The following GLIS3 variants were observed in gnomAD, a reference collection of about 807,000 sequenced individuals.
GLIS3 encodes the protein zinc finger protein GLIS3.
In GLIS3, 53 loss-of-function variants were observed where a neutral mutation model predicts 78.6. The observed-to-expected ratio is 0.67, with a 90% CI of 0.54 to 0.85. GLIS3 has a LOEUF of 0.85. GLIS3 is among the 40% of genes least tolerant of loss of function. The pLI, the probability that GLIS3 is intolerant of heterozygous loss-of-function variation, is 0.00. For missense variants in GLIS3, 1,703 were observed against 1,231.1 expected (o/e 1.38, Z -5.74); for synonymous variants, 684 against 509.9 (o/e 1.34, Z -4.60).
the GLIS3 span, among the ~76,000 whole-genome samples, chr9:4,378,756 G>A: frequency 2.6e-5 from 4 of 152,208 alleles, no homozygotes; most frequent in Non-Finnish European, 5.9e-5. Flanking sequence ...TTGATAGCAT[G>A]TGTAGGGTAA....
chr9:3,856,735 G>A (rs1209029350), intron 8 of GLIS3, among the ~76,000 whole-genome samples: 2 of 152,188 alleles, frequency 1.3e-5, no homozygotes, highest in Non-Finnish European at 2.9e-5. Flanking sequence ...AAACCTCGAA[G>A]GTCAAGTATG....
the GLIS3 span, among the ~76,000 whole-genome samples, chr9:4,356,840 A>G: frequency 8.7e-5 from 13 of 150,224 alleles, no homozygotes; most frequent in Admixed American, 1.3e-4. Context: ...AATGCCCACC[A>G]ATGTTTGCAA....
chr9:4,407,595 C>T, the GLIS3 span, among the ~76,000 whole-genome samples: 1 of 152,072 alleles, frequency 6.6e-6, no homozygotes, highest in Admixed American at 6.6e-5. Context: ...TGCGGTGAGC[C>T]GAGATCTCGC....
chr9:3,968,869 C>T (rs1281166533), intron 4 of GLIS3, among the ~76,000 whole-genome samples: 4 of 152,196 alleles, frequency 2.6e-5, no homozygotes, highest in Non-Finnish European at 1.5e-5. Flanking sequence ...ACTTCATCCA[C>T]TGGGGTTTAG....
Position 3,932,252 on chromosome 9 carries a change from T to C in GLIS3, c.1983+108A>G, listed in dbSNP as rs1354732990. ...CCTCCTCAAACGGTCTAAAGCAGGT[T>C]ATACCATGAGAAGTATAAGAATTTC... is the stretch of plus-strand genomic sequence containing the variant. On this transcript the variant is annotated intron_variant, in intron 6 of 10. Transcript: ENST00000381971. 4 of 832,464 alleles carry C rather than the reference T, an allele frequency of 4.8e-6. No individual in the cohort carries two copies. The African/African-American group carries it at 6.7e-5, about 14-fold the overall frequency. 51.6% of individuals were successfully genotyped at this position (832,464 alleles called of 1,614,324 possible). A position where few individuals can be genotyped will look rare whatever the true frequency, so the allele number is the denominator to read the frequency against.
chr9:3,990,123 C>G (rs1431626400), intron 4 of GLIS3, among the ~76,000 whole-genome samples: 1 of 152,176 alleles, frequency 6.6e-6, no homozygotes, highest in Non-Finnish European at 1.5e-5. Flanking sequence ...CCACGAAGTT[C>G]ATTTTCAAAG....
At chr9:3,832,807 C>T (rs879402783) in intron 9 of GLIS3, among the ~76,000 whole-genome samples, 1 of 152,178 alleles carries the variant, frequency 6.6e-6, no homozygotes, top group Non-Finnish European at 1.5e-5. Flanking sequence ...GATAGCACTC[C>T]TCAGCGTAAT....
At chr9:4,477,435 A>T in the GLIS3 span, among the ~76,000 whole-genome samples, 1 of 151,546 alleles carries the variant, frequency 6.6e-6, no homozygotes. Context: ...TTTTTTTGAG[A>T]TAGGGGTCTC....
intron 2 of GLIS3, among the ~76,000 whole-genome samples, chr9:4,148,246 C>T (rs541743031): frequency 6.6e-6 from 1 of 152,238 alleles, no homozygotes; most frequent in African/African-American, 2.4e-5. Context: ...TGAGATCTGG[C>T]TACATCGGTT....
At chr9:4,375,432 C>G in the GLIS3 span, among the ~76,000 whole-genome samples, 1 of 152,122 alleles carries the variant, frequency 6.6e-6, no homozygotes, top group African/African-American at 2.4e-5. Context: ...CAATTTGCGA[C>G]TGTTTTATAA....
intron 2 of GLIS3, among the ~76,000 whole-genome samples, chr9:4,127,088 C>T (rs750254269): frequency 1.3e-5 from 2 of 152,108 alleles, no homozygotes; most frequent in African/African-American, 2.4e-5. Context: ...ACAAACAAGA[C>T]ATTGGAGCAG....
chr9:3,978,416 A>G (rs186931015), intron 4 of GLIS3, among the ~76,000 whole-genome samples: 3 of 152,222 alleles, frequency 2.0e-5, no homozygotes, highest in Admixed American at 2.0e-4. Context: ...AAATAAAACC[A>G]TTCTATACAT....
chr9:4,059,022 A>T (rs1396890625), intron 4 of GLIS3, among the ~76,000 whole-genome samples: 1 of 151,826 alleles, frequency 6.6e-6, no homozygotes. Flanking sequence ...AAGGCCTCAC[A>T]CCTTCTGCTG....
the GLIS3 span, among the ~76,000 whole-genome samples, chr9:4,465,248 G>C: frequency 6.6e-6 from 1 of 152,192 alleles, no homozygotes; most frequent in African/African-American, 2.4e-5. Flanking sequence ...TACATTCTTA[G>C]TCTAAATAAC....
At chr9:4,483,590 C>T in the GLIS3 span, among the ~76,000 whole-genome samples, 1 of 152,006 alleles carries the variant, frequency 6.6e-6, no homozygotes, top group Non-Finnish European at 1.5e-5. Flanking sequence ...TGTGGTGGTG[C>T]ACGCCTGTAA....
At chr9:4,408,492 G>A in the GLIS3 span, among the ~76,000 whole-genome samples, 4 of 151,704 alleles carry the variant, frequency 2.6e-5, no homozygotes, top group Admixed American at 1.3e-4. Flanking sequence ...ACTTTTGGAG[G>A]CTGAGGCGGG....
chr9:4,100,149 C>T (rs903932736), intron 4 of GLIS3, among the ~76,000 whole-genome samples: 2 of 152,162 alleles, frequency 1.3e-5, no homozygotes, highest in Admixed American at 6.6e-5. Context: ...TGTTATATAT[C>T]GGTAAAAGAG....
At chr9:4,157,223 C>T (rs1175707153) in intron 2 of GLIS3, among the ~76,000 whole-genome samples, 1 of 152,100 alleles carries the variant, frequency 6.6e-6, no homozygotes, top group African/African-American at 2.4e-5. Flanking sequence ...AAGGAGACAC[C>T]AGGTGAAAGG....
chr9:4,368,283 G>A, the GLIS3 span, among the ~76,000 whole-genome samples: 1 of 151,500 alleles, frequency 6.6e-6, no homozygotes, highest in Non-Finnish European at 1.5e-5. Context: ...AGGCAATAGA[G>A]CATCACGAGG....
Sources: gnomAD v4.1 joint callset for allele counts (sites outside exome capture counted in the v4.1 genomes callset) on GRCh38, gnomAD v4.1.1 for gene constraint, MANE v1.5 for transcripts, NCBI Gene and HGNC (gene_info 2026-07-23, HGNC 2026-07-21) for gene names.